The following RANBP3L variants were observed in gnomAD, a reference collection of about 807,000 sequenced individuals.
RANBP3L encodes the protein ran-binding protein 3-like.
A neutral mutation model predicts 67.2 loss-of-function variants in RANBP3L; 56 were observed. The ratio of observed to expected loss-of-function variants is 0.83; its 90% CI spans 0.67 to 1.04. The LOEUF (loss-of-function observed/expected upper bound fraction) is 1.04, where lower values mean the gene tolerates loss of function less well. RANBP3L is among the 50% of genes least tolerant of loss of function. The pLI is 0.00. For synonymous variants in RANBP3L, 164 were observed against 181.4 expected, an observed-to-expected ratio of 0.90 and a Z score of 0.77; for missense variants, 496 against 535.5, an observed-to-expected ratio of 0.93 and a Z score of 0.73.
chr5:36,273,473 C>T (rs1053724350), intron 1 of RANBP3L, among the ~76,000 whole-genome samples: 29 of 152,184 alleles, frequency 1.9e-4, no homozygotes, highest in Admixed American at 6.5e-5. Flanking sequence ...ACTAGGGACA[C>T]ATGGTCTAAT....
In RANBP3L at chr5:36,246,963, G is replaced by T. The variant is rs7730301; in HGVS notation, c.*2691C>A. Among the ~76,000 whole-genome samples the T allele has an allele frequency of 6.6e-6, 1 of 152,042 alleles. No homozygotes were observed. Among genetic ancestry groups the T allele is most frequent in the African/African-American group, 2.4e-5 (1 of 41,374 alleles). ...GTCTATAATTAGGGTAAACAGTTGG[G>T]TAAAATCTTACTAAAAGAAAGTTAA... On this transcript the variant is annotated 3_prime_UTR_variant, in exon 14 of 14. Coordinates refer to ENST00000296604, the MANE Select transcript of RANBP3L (RefSeq NM_145000.5).
chr5:36,255,564 G>A lies in RANBP3L; in HGVS notation c.930C>T (p.Asn310=). The change falls in exon 11 of 14, where the codon AAC becomes AAT. Residue 310 remains asparagine, a synonymous_variant. Coordinates refer to ENST00000296604, the MANE Select transcript of RANBP3L (RefSeq NM_145000.5). ...TTTCAATCCAGGATTGTGTTGTTTT[G>A]TTGAATATGAAAAGCTTGCAGTTTA... is the stretch of plus-strand genomic sequence containing the variant. The part of the protein sequence containing the change: ...LKINCKLFIF[N]KTTQSWIERG... The A allele has an allele frequency of 6.2e-7, 1 of 1,609,336 alleles. No homozygotes were observed. The highest frequency in any genetic ancestry group is 8.5e-7 in the Non-Finnish European group (1 of 1,177,010).
intron 1 of RANBP3L, 53 bp downstream of exon 1, chr5:36,301,273 G>A (rs1752591371): frequency 6.0e-6 from 8 of 1,342,994 alleles, no homozygotes; most frequent in South Asian, 1.2e-5. Context: ...TTCCTGGAAT[G>A]CAAATGCACA....
At chr5:36,256,790 AT>A in intron 10 of RANBP3L, 150 bp downstream of exon 10, 1 of 659,374 alleles carries the variant, frequency 1.5e-6, no homozygotes, top group Non-Finnish European at 2.5e-6. Context: ...TATTGGTTCA[AT>A]TTTTGAGAGC....
rs1329193575 is a variant in RANBP3L, at chr5:36,301,778, G to T, written c.-362C>A. On this transcript the variant is annotated 5_prime_UTR_variant, in exon 1 of 14. It introduces an in-frame stop codon into an upstream open reading frame of the 5' UTR. Transcript: ENST00000296604. ...TTGTCATTTTTAAATTCCTTTTGGC[G>T]ACATGAAATCCAATGCCTCCAGTAT... 5.8e-6 allele frequency: 1 copy of T among 172,894 alleles called. No individual in the cohort carries two copies. The highest frequency in any genetic ancestry group is 5.9e-5 in the Admixed American group (1 of 17,048). 10.7% of individuals were successfully genotyped at this position (172,894 alleles called of 1,614,324 possible). A position where few individuals can be genotyped will look rare whatever the true frequency, so the allele number is the denominator to read the frequency against.
chr5:36,247,709 C>A lies in RANBP3L; in HGVS notation c.*1945G>T, dbSNP rs1350154396. ...GACCAGCCTGGCCAACATGGTGAAA[C>A]CCCGTCTCTACTAAAAATACAAAAA... On this transcript the variant is annotated 3_prime_UTR_variant, in exon 14 of 14. Coordinates refer to ENST00000296604, the MANE Select transcript of RANBP3L (RefSeq NM_145000.5). Among the ~76,000 whole-genome samples the A allele has an allele frequency of 6.6e-6, 1 of 152,054 alleles. No individual in the cohort carries two copies. The highest frequency in any genetic ancestry group is 1.5e-5 in the Non-Finnish European group (1 of 68,002).
At position 36,251,305 on chromosome 5, in the gene RANBP3L, C is replaced by G. The variant is rs756383006; in HGVS notation, c.1354+8G>C. ...AACCTCTGAACTAACAAAACAAAAGCTATTTACCTGATCCATTTTTAGTGA... is the reference window on the plus strand; with the variant it reads ...AACCTCTGAACTAACAAAACAAAAGGTATTTACCTGATCCATTTTTAGTGA... On this transcript the variant is annotated splice_region_variant and intron_variant, in intron 13 of 13. Coordinates refer to ENST00000296604, the MANE Select transcript of RANBP3L (RefSeq NM_145000.5). 6.2e-7 allele frequency: 1 copy of G among 1,608,604 alleles called. No individual in the cohort carries two copies. The highest frequency in any genetic ancestry group is 1.7e-5 in the Admixed American group (1 of 59,618).
At chr5:36,301,249 C>G (rs997814791) in intron 1 of RANBP3L, 77 bp downstream of exon 1, 1 of 1,105,816 alleles carries the variant, frequency 9.0e-7, no homozygotes, top group Non-Finnish European at 1.4e-6. Flanking sequence ...GGGTCCTTCA[C>G]CAGCCCACCA....
intron 1 of RANBP3L, among the ~76,000 whole-genome samples, chr5:36,284,212 C>G (rs1276421845): frequency 2.0e-5 from 3 of 152,194 alleles, no homozygotes; most frequent in Admixed American, 2.0e-4. Flanking sequence ...TCAAAAGATA[C>G]CTTCACACCA....
At chr5:36,280,184 A>G (rs549143741) in intron 1 of RANBP3L, among the ~76,000 whole-genome samples, 16 of 152,348 alleles carry the variant, frequency 1.1e-4, no homozygotes, top group African/African-American at 3.6e-4. Context: ...TTGAAAAACC[A>G]AGACATAGAG....
intron 1 of RANBP3L, among the ~76,000 whole-genome samples, chr5:36,292,349 T>A (rs527907292): frequency 6.6e-6 from 1 of 151,862 alleles, no homozygotes; most frequent in East Asian, 1.9e-4. Flanking sequence ...ATTTTGTAGG[T>A]TGCCTGTTCA....
chr5:36,287,616 T>C (rs1344725199), intron 1 of RANBP3L, among the ~76,000 whole-genome samples: 2 of 152,170 alleles, frequency 1.3e-5, no homozygotes, highest in African/African-American at 4.8e-5. Context: ...AATCGTTGAT[T>C]CTAAAGGATG....
At chr5:36,259,621 A>T (rs1342189707) in intron 8 of RANBP3L, among the ~76,000 whole-genome samples, 2 of 151,094 alleles carry the variant, frequency 1.3e-5, no homozygotes, top group Admixed American at 6.6e-5. Context: ...TGGCTTAACG[A>T]GTTGGTTCTT....
chr5:36,268,846 C>CT (rs1381399635), intron 4 of RANBP3L, among the ~76,000 whole-genome samples: 1 of 151,918 alleles, frequency 6.6e-6, no homozygotes, highest in Non-Finnish European at 1.5e-5. Flanking sequence ...GTAGCTGGGA[C>CT]TAGAGGCACC....
chr5:36,276,830 C>T (rs1750606115), intron 1 of RANBP3L, among the ~76,000 whole-genome samples: 1 of 152,070 alleles, frequency 6.6e-6, no homozygotes, highest in Non-Finnish European at 1.5e-5. Context: ...GAATGGAGTA[C>T]CTTTGGCTCC....
intron 4 of RANBP3L, among the ~76,000 whole-genome samples, chr5:36,265,732 G>C (rs978465406): frequency 3.3e-5 from 5 of 152,232 alleles, no homozygotes; most frequent in Admixed American, 3.3e-4. Context: ...TAGCACTTTG[G>C]GAGGCCAAGG....
At chr5:36,273,069 T>C (rs1750337054) in intron 1 of RANBP3L, among the ~76,000 whole-genome samples, 1 of 152,248 alleles carries the variant, frequency 6.6e-6, no homozygotes, top group African/African-American at 2.4e-5. Flanking sequence ...AATTCTTTGT[T>C]GTTTCTCAAG....
At chr5:36,265,993 A>AAAG (rs1554016131) in intron 4 of RANBP3L, among the ~76,000 whole-genome samples, 179 of 149,302 alleles carry the variant, frequency 1.2e-3, no homozygotes, top group African/African-American at 4.2e-3. Context: ...AAAAAAAAAA[A>AAAG]AAAAAAAGAT....
At chr5:36,287,852 T>C (rs1012125516) in intron 1 of RANBP3L, among the ~76,000 whole-genome samples, 1 of 152,178 alleles carries the variant, frequency 6.6e-6, no homozygotes, top group Non-Finnish European at 1.5e-5. Flanking sequence ...CATTTTCTCT[T>C]GAAGGTGTGA....
Sources: gnomAD v4.1 joint callset for allele counts (sites outside exome capture counted in the v4.1 genomes callset) on GRCh38, gnomAD v4.1.1 for gene constraint, MANE v1.5 for transcripts, NCBI Gene and HGNC (gene_info 2026-07-23, HGNC 2026-07-21) for gene names.